The following CHST8 variants were observed in gnomAD, a reference collection of about 807,000 sequenced individuals.
CHST8 encodes the protein GALNAC-4-ST1.
A neutral mutation model predicts 15.0 loss-of-function variants in CHST8; 10 were observed. The ratio of observed to expected loss-of-function variants is 0.67; its 90% CI spans 0.41 to 1.13. CHST8 has a LOEUF of 1.13. Ranked by LOEUF, CHST8 falls within the 50% of genes most tolerant of loss-of-function variation. CHST8 has a pLI of 0.00. For synonymous variants in CHST8, 259 were observed against 256.6 expected (o/e 1.01, Z -0.09); for missense variants, 634 against 608.2 (o/e 1.04, Z -0.45).
At chr19:33,631,324 C>T (rs1600225055) in intron 1 of CHST8, among the ~76,000 whole-genome samples, 1 of 152,302 alleles carries the variant, frequency 6.6e-6, no homozygotes, top group East Asian at 1.9e-4. Context: ...TCCAAAGACT[C>T]AGCTTTCGTG....
rs563750794 is a variant in CHST8, at chr19:33,666,357, C to A, written c.-163-1410C>A. Among the ~76,000 whole-genome samples the A allele has an allele frequency of 3.3e-5, 5 of 152,324 alleles. No individual in the cohort carries two copies. In the East Asian group the frequency reaches 9.6e-4, roughly 29 times the overall value. Reference sequence around the variant, plus strand: ...AACAGTCACTAGCAGACAAGGACTCCGCTGTCTCCTCCTCCCAGCCTCACG... The same window carrying A: ...AACAGTCACTAGCAGACAAGGACTCAGCTGTCTCCTCCTCCCAGCCTCACG... On this transcript the variant is annotated intron_variant, in intron 1 of 4. Transcript: ENST00000650847.
chr19:33,692,116 G>T (rs1443387136), intron 3 of CHST8, among the ~76,000 whole-genome samples: 1 of 151,766 alleles, frequency 6.6e-6, no homozygotes, highest in African/African-American at 2.4e-5. Context: ...GTAGGGGGTT[G>T]CCAGACTTTT....
At chr19:33,638,773 TC>T (rs1352316178) in intron 1 of CHST8, among the ~76,000 whole-genome samples, 4 of 152,104 alleles carry the variant, frequency 2.6e-5, no homozygotes, top group Non-Finnish European at 5.9e-5. Flanking sequence ...TAGTTCACCT[TC>T]GTGGTTCTCC....
At chr19:33,630,764 C>T (rs771649243) in intron 1 of CHST8, among the ~76,000 whole-genome samples, 1 of 152,230 alleles carries the variant, frequency 6.6e-6, no homozygotes, top group Non-Finnish European at 1.5e-5. Flanking sequence ...AGTCTATCTA[C>T]ACTGGCTAAG....
intron 1 of CHST8, among the ~76,000 whole-genome samples, chr19:33,661,752 C>T (rs760030832): frequency 6.6e-6 from 1 of 151,828 alleles, no homozygotes; most frequent in Non-Finnish European, 1.5e-5. Context: ...CAGTTTCAGC[C>T]ATGCACGATG....
At chr19:33,633,608 G>T (rs1394885607) in intron 1 of CHST8, among the ~76,000 whole-genome samples, 1 of 151,374 alleles carries the variant, frequency 6.6e-6, no homozygotes, top group African/African-American at 2.4e-5. Flanking sequence ...TTGTTGCCCA[G>T]GCTGGTCCTG....
At chr19:33,767,380 A>G (rs1386428468) in intron 3 of CHST8, among the ~76,000 whole-genome samples, 1 of 152,224 alleles carries the variant, frequency 6.6e-6, no homozygotes, top group African/African-American at 2.4e-5. Flanking sequence ...ACATGCTGGT[A>G]TAGCCTCCTC....
At chr19:33,654,466 T>A (rs1476122605) in intron 1 of CHST8, among the ~76,000 whole-genome samples, 1 of 152,128 alleles carries the variant, frequency 6.6e-6, no homozygotes, top group Non-Finnish European at 1.5e-5. Context: ...TGTTGACTTT[T>A]AAACATTGGT....
intron 2 of CHST8, among the ~76,000 whole-genome samples, chr19:33,687,683 A>G (rs1414556137): frequency 6.6e-6 from 1 of 152,144 alleles, no homozygotes; most frequent in African/African-American, 2.4e-5. Flanking sequence ...AGAAACCCAA[A>G]CCTGCAATTT....
At chr19:33,671,896 G>A (rs1972743269) in intron 2 of CHST8, among the ~76,000 whole-genome samples, 1 of 151,928 alleles carries the variant, frequency 6.6e-6, no homozygotes, top group Non-Finnish European at 1.5e-5. Flanking sequence ...TTTACCACAT[G>A]TGTGATTTAC....
intron 1 of CHST8, among the ~76,000 whole-genome samples, chr19:33,665,719 A>G (rs998111291): frequency 6.6e-6 from 1 of 151,914 alleles, no homozygotes; most frequent in Non-Finnish European, 1.5e-5. Flanking sequence ...CGCAGAACCC[A>G]GGAGCAGTGT....
intron 3 of CHST8, among the ~76,000 whole-genome samples, chr19:33,745,059 AT>A (rs1481834869): frequency 1.3e-5 from 2 of 151,992 alleles, no homozygotes; most frequent in African/African-American, 4.8e-5. Context: ...ATTTATTTTT[AT>A]TTTGTGTAGA....
Position 33,695,821 on chromosome 19 carries a change from C to CTTTCTTTCTTTCTTTCTTTCTTTT in CHST8, c.130+6433_130+6434insCTTTCTTTCTTTCTTTCTTTTTTT, listed in dbSNP as rs57718433. Among the ~76,000 whole-genome samples the CTTTCTTTCTTTCTTTCTTTCTTTT allele has an allele frequency of 9.7e-3, 742 of 76,104 alleles. 8 individuals are homozygous for CTTTCTTTCTTTCTTTCTTTCTTTT. The highest frequency in any genetic ancestry group is 0.015 in the East Asian group (38 of 2,514). 49.9% of individuals were successfully genotyped at this position (76,104 alleles called of 152,430 possible). ...TTTCTTTTTCTTTCTTTCTTTCTTT[C>CTTTCTTTCTTTCTTTCTTTCTTTT]TTTTTTTTTTTTTTTTTTTTTGAGA... On this transcript the variant is annotated intron_variant, in intron 3 of 4. Coordinates refer to ENST00000650847, the MANE Select transcript of CHST8 (RefSeq NM_001127895.2).
intron 2 of CHST8, among the ~76,000 whole-genome samples, chr19:33,670,209 A>G (rs1323476191): frequency 1.3e-5 from 2 of 152,234 alleles, no homozygotes; most frequent in African/African-American, 4.8e-5. Flanking sequence ...AATGAAAACA[A>G]AACCCCAATG....
intron 3 of CHST8, among the ~76,000 whole-genome samples, chr19:33,738,568 GGAGA>G (rs954466086): frequency 1.3e-5 from 2 of 152,066 alleles, no homozygotes; most frequent in African/African-American, 2.4e-5. Context: ...TTTGACATCT[GGAGA>G]GAGAGAGTGC....
At chr19:33,623,562 A>T (rs1217420430) in intron 1 of CHST8, among the ~76,000 whole-genome samples, 1 of 152,188 alleles carries the variant, frequency 6.6e-6, no homozygotes, top group Non-Finnish European at 1.5e-5. Flanking sequence ...CAAGGCCCCC[A>T]GGAGCTACAA....
At chr19:33,723,523 C>T (rs1973839674) in intron 3 of CHST8, among the ~76,000 whole-genome samples, 1 of 152,200 alleles carries the variant, frequency 6.6e-6, no homozygotes, top group African/African-American at 2.4e-5. Flanking sequence ...TTCACTGCCA[C>T]TCCCTGCTCA....
intron 1 of CHST8, among the ~76,000 whole-genome samples, chr19:33,646,638 G>A (rs1008705684): frequency 6.6e-6 from 1 of 152,210 alleles, no homozygotes; most frequent in Non-Finnish European, 1.5e-5. Context: ...TATGGGCCAG[G>A]CACAGTGGCT....
chr19:33,771,301 T>A (rs1263477570), intron 3 of CHST8, 112 bp from the exon 4 acceptor site: 1 of 1,053,254 alleles, frequency 9.5e-7, no homozygotes. Context: ...CCCTAGAGCC[T>A]ACCCCAAGAT....
Sources: allele counts gnomAD v4.1 joint callset (sites outside exome capture counted in the v4.1 genomes callset), GRCh38; gene constraint gnomAD v4.1.1; transcripts MANE v1.5; gene names NCBI Gene and HGNC (gene_info 2026-07-23, HGNC 2026-07-21).